GGA2: variants seen among roughly 807,000 people sequenced by gnomAD.
The protein encoded by GGA2 is golgi associated, gamma adaptin ear containing, ARF binding protein 2.
GGA2 carries 48 observed loss-of-function variants against 79.5 expected under a neutral mutation model. That is an observed-to-expected ratio of 0.60 (90% CI 0.48 to 0.77). GGA2 has a LOEUF of 0.77. GGA2 is among the 30% of genes least tolerant of loss of function. The pLI is 0.00. For missense variants in GGA2, 770 were observed against 774.0 expected, an observed-to-expected ratio of 0.99 and a Z score of 0.06; for synonymous variants, 317 against 302.0, an observed-to-expected ratio of 1.05 and a Z score of -0.51.
At chr16:23,485,824 T>G (rs1282509324) in intron 8 of GGA2, among the ~76,000 whole-genome samples, 191 bp downstream of exon 8, 2 of 151,988 alleles carry the variant, frequency 1.3e-5, no homozygotes, top group African/African-American at 2.4e-5. Context: ...GAAAGCAAAT[T>G]AGCAGCTGCC....
chr16:23,488,585 C>A, intron 6 of GGA2, 21 bp downstream of exon 6: 1 of 1,331,968 alleles, frequency 7.5e-7, no homozygotes, highest in South Asian at 1.2e-5. Flanking sequence ...GATCAGACAC[C>A]ATGTAGGTCT....
intron 1 of GGA2, among the ~76,000 whole-genome samples, chr16:23,497,592 T>C (rs1274373060): frequency 6.6e-6 from 1 of 152,032 alleles, no homozygotes; most frequent in Non-Finnish European, 1.5e-5. Context: ...TATATTCTCC[T>C]CCCCACCCCC....
At chr16:23,473,031 C>CAAAAA (rs71379682) in intron 14 of GGA2, among the ~76,000 whole-genome samples, 5 of 114,466 alleles carry the variant, frequency 4.4e-5, no homozygotes, top group Non-Finnish European at 8.5e-5. Context: ...ACTCTGTCTC[C>CAAAAA]AAAAAAAAAA....
At position 23,465,027 on chromosome 16, in the gene GGA2, C is replaced by A; in HGVS notation, c.*2563G>T. ...GGGTCAACAGGACCCCCGAAGAGTTCAAGATACTGGAAAGCACTGGCCATG... is the reference window on the plus strand; with the variant it reads ...GGGTCAACAGGACCCCCGAAGAGTTAAAGATACTGGAAAGCACTGGCCATG... On this transcript the variant is annotated 3_prime_UTR_variant, in exon 17 of 17. Transcript: ENST00000309859. The A allele has an allele frequency of 2.4e-6, 1 of 425,142 alleles. No individual in the cohort carries two copies. Among genetic ancestry groups the A allele is most frequent in the Non-Finnish European group, 4.3e-6 (1 of 234,734 alleles). The allele number at this position is 425,142 out of a possible 1,614,324, so 26.3% of individuals were successfully genotyped here. A position where few individuals can be genotyped will look rare whatever the true frequency, so the allele number is the denominator to read the frequency against.
chr16:23,514,164 G>A (rs1016605286), upstream of GGA2, among the ~76,000 whole-genome samples: 24 of 151,776 alleles, frequency 1.6e-4, no homozygotes, highest in Non-Finnish European at 3.2e-4. Context: ...GGAGTGCAGT[G>A]GCTCGATCTT....
At chr16:23,512,521 T>C (rs985406989), upstream of GGA2, among the ~76,000 whole-genome samples, 1 of 151,552 alleles carries the variant, frequency 6.6e-6, no homozygotes, top group African/African-American at 2.4e-5. Context: ...TGGGTGATGA[T>C]TCTTGTCCAC....
At chr16:23,520,484 T>A (rs141540438) in intron 1 of GGA2, among the ~76,000 whole-genome samples, 13 of 152,116 alleles carry the variant, frequency 8.5e-5, no homozygotes, top group Admixed American at 2.0e-4. Flanking sequence ...TTAAAATGTA[T>A]GAAATTCCTT....
Position 23,486,717 on chromosome 16 carries a change from A to C in GGA2, c.653T>G (p.Val218Gly). 4.4e-6 allele frequency: 7 copies of C among 1,599,872 alleles called. No individual in the cohort carries two copies. The highest frequency in any genetic ancestry group is 6.0e-6 in the Non-Finnish European group (7 of 1,167,020). ...AACTGGAAGAATGCCCACCTCCTTG[A>C]CCAAATTCTTGATTAACCGGTTTGC... ...QAANRLIKNL[V>G]KEEQEKSEKV... Residue 218 changes from valine (V) to glycine (G), a missense_variant, in exon 7 of 17, where the codon GTC (valine) becomes GGC (glycine). By Grantham distance (109) the Val-to-Gly change is moderately radical. Coordinates refer to ENST00000309859, the MANE Select transcript of GGA2 (RefSeq NM_015044.4).
intron 1 of GGA2, among the ~76,000 whole-genome samples, chr16:23,500,630 G>A (rs1177202730): frequency 6.6e-6 from 1 of 152,288 alleles, no homozygotes; most frequent in Non-Finnish European, 1.5e-5. Flanking sequence ...CGTCGCAGAT[G>A]GAACATACTG....
Position 23,467,354 on chromosome 16 carries a change from T to C in GGA2, c.*236A>G, listed in dbSNP as rs1197619102. On this transcript the variant is annotated 3_prime_UTR_variant, in exon 17 of 17. Transcript: ENST00000309859. ...TGCTTCGCATTTCCCACACTGCCGA[T>C]ATCCCAAGCCCTGTGCTACCACCCT... The C allele has an allele frequency of 4.4e-6, 2 of 453,818 alleles. No homozygotes were observed. Among genetic ancestry groups the C allele is most frequent in the Non-Finnish European group, 7.8e-6 (2 of 257,114 alleles). 28.1% of individuals were successfully genotyped at this position (453,818 alleles called of 1,614,324 possible). A position where few individuals can be genotyped will look rare whatever the true frequency, so the allele number is the denominator to read the frequency against.
Position 23,466,042 on chromosome 16 carries a change from C to A in GGA2, c.*1548G>T, listed in dbSNP as rs1335322777. ...GCAAATGAAATCACCCCACTGTTTA[C>A]CTGTTTTATGAGTTTTTACATTTGC... On this transcript the variant is annotated 3_prime_UTR_variant, in exon 17 of 17. Coordinates refer to ENST00000309859, the MANE Select transcript of GGA2 (RefSeq NM_015044.4). The A allele has an allele frequency of 6.6e-6, 1 of 152,250 alleles. No individual in the cohort carries two copies. The highest frequency in any genetic ancestry group is 2.4e-5 in the African/African-American group (1 of 41,424). 9.4% of individuals were successfully genotyped at this position (152,250 alleles called of 1,614,324 possible).
At chr16:23,524,187 C>T, upstream of GGA2, 1 of 634,970 alleles carries the variant, frequency 1.6e-6, no homozygotes. Flanking sequence ...GCTTCCCCAG[C>T]CAATTGACAA....
intron 8 of GGA2, 49 bp from the exon 9 acceptor site, chr16:23,483,053 C>A (rs376541644): frequency 8.1e-7 from 1 of 1,230,904 alleles, no homozygotes; most frequent in Non-Finnish European, 1.2e-6. Context: ...CACCCCATAA[C>A]GCCCCCCTCC....
In GGA2 at chr16:23,470,129, C is replaced by T; in HGVS notation, c.1487G>A (p.Gly496Glu). 6.2e-7 allele frequency: 1 copy of T among 1,608,672 alleles called. No homozygotes were observed. ...LPPLIVYDRN[G>E]FRILLHFSQT... is the part of the protein sequence containing the mutation. Reference sequence around the variant, plus strand: ...GGAGAAGTGGAGCAGAATTCTGAATCCATTCCGGTCATACACAATGAGAGG... The same window carrying T: ...GGAGAAGTGGAGCAGAATTCTGAATTCATTCCGGTCATACACAATGAGAGG... Residue 496 changes from glycine (G) to glutamate (E), a missense_variant, in exon 15 of 17, where the codon GGA (glycine) becomes GAA (glutamate). Transcript: ENST00000309859.
chr16:23,493,480 A>G (rs377444906), intron 3 of GGA2, 22 bp from the exon 4 acceptor site: 11 of 1,491,712 alleles, frequency 7.4e-6, no homozygotes, highest in Non-Finnish European at 7.5e-6. Flanking sequence ...CAGGACCCCC[A>G]GGAGAAGGTG....
chr16:23,470,198 A>C, intron 14 of GGA2, 33 bp from the exon 15 acceptor site: 1 of 1,508,798 alleles, frequency 6.6e-7, no homozygotes, highest in Non-Finnish European at 8.9e-7. Context: ...AAGGTTTAAC[A>C]CCACTACAAA....
chr16:23,515,931 C>T (rs954624901), intron 2 of GGA2, among the ~76,000 whole-genome samples: 5 of 151,898 alleles, frequency 3.3e-5, no homozygotes, highest in African/African-American at 1.2e-4. Context: ...CCTCCAACTC[C>T]TGGGTTCAAG....
chr16:23,510,942 TGTGTGTTA>T (rs1264901202), upstream of GGA2, among the ~76,000 whole-genome samples: 2 of 128,064 alleles, frequency 1.6e-5, no homozygotes, highest in Admixed American at 7.6e-5. Flanking sequence ...TGTGTGTGTG[TGTGTGTTA>T]GAGACTGGGT....
At chr16:23,513,027 T>C (rs1006317023), upstream of GGA2, among the ~76,000 whole-genome samples, 14 of 152,104 alleles carry the variant, frequency 9.2e-5, no homozygotes, top group African/African-American at 3.4e-4. Flanking sequence ...TTAATACATA[T>C]TTATCTCTTG....
Sources: gnomAD v4.1 joint callset for allele counts (sites outside exome capture counted in the v4.1 genomes callset) on GRCh38, gnomAD v4.1.1 for gene constraint, MANE v1.5 for transcripts, NCBI Gene and HGNC (gene_info 2026-07-23, HGNC 2026-07-21) for gene names.